Variants in ASH1L observed in about 807,000 individuals in gnomAD.
ASH1L encodes the protein histone-lysine N-methyltransferase ASH1L.
Under a neutral mutation model 269.0 loss-of-function variants are expected in ASH1L, and 23 were observed. The ratio of observed to expected loss-of-function variants is 0.09; its 90% CI spans 0.06 to 0.12. The LOEUF is 0.12. Ranked by LOEUF, ASH1L falls within the 10% of genes least tolerant of loss-of-function variation. ASH1L has a pLI of 1.00. For synonymous variants in ASH1L, 1,187 were observed against 1,253.5 expected, an observed-to-expected ratio of 0.95 and a Z score of 1.12; for missense variants, 2,912 against 3,567.8, an observed-to-expected ratio of 0.82 and a Z score of 4.68.
At chr1:155,339,594 A>C (rs1429197236) in intron 25 of ASH1L, among the ~76,000 whole-genome samples, 1 of 152,176 alleles carries the variant, frequency 6.6e-6, no homozygotes, top group Non-Finnish European at 1.5e-5. Flanking sequence ...AATTTTCTCT[A>C]TCCCATTTCA....
intron 12 of ASH1L, 60 bp from the exon 13 acceptor site, chr1:155,360,469 A>G (rs540442633): frequency 2.6e-4 from 266 of 1,025,272 alleles, no homozygotes; most frequent in Non-Finnish European, 3.7e-4. Context: ...TTTGAGACGG[A>G]GTCTCCCTCT....
intron 6 of ASH1L, among the ~76,000 whole-genome samples, chr1:155,407,651 C>T (rs1370310371): frequency 6.6e-6 from 1 of 151,950 alleles, no homozygotes; most frequent in African/African-American, 2.4e-5. Flanking sequence ...TAGCCAAAAG[C>T]AGAAACAACC....
In ASH1L at chr1:155,343,990, G is replaced by A. The variant is rs1346091600; in HGVS notation, c.7981+193C>T. On this transcript the variant is annotated intron_variant, in intron 22 of 27. Coordinates refer to ENST00000392403, the MANE Select transcript of ASH1L (RefSeq NM_018489.3). The surrounding 1 kb of genome is among the most constrained non-coding windows in gnomAD (Gnocchi z 6.1). ...AGTCTTAAAATTAGCTTTGTAACAT[G>A]TCTATCATTTCAAATTAGTATTATT... Among the ~76,000 whole-genome samples the A allele has an allele frequency of 6.6e-6, 1 of 152,170 alleles. No homozygotes were observed. The highest frequency in any genetic ancestry group is 6.5e-5 in the Admixed American group (1 of 15,274).
At position 155,524,819 on chromosome 1, in the gene ASH1L, A is replaced by G. The variant is rs1669129204; in HGVS notation, c.-99-3201T>C. Among the ~76,000 whole-genome samples, 3 of 152,286 alleles carry G rather than the reference A, an allele frequency of 2.0e-5. No individual in the cohort carries two copies. The South Asian group carries it at 6.2e-4, about 32-fold the overall frequency. ...TGTACCACTACACTCTAGCTTGGGC[A>G]ACAGAACAAGACCCTGTCTCAAAAA... On this transcript the variant is annotated intron_variant, in intron 1 of 27. Transcript: ENST00000392403.
intron 5 of ASH1L, among the ~76,000 whole-genome samples, chr1:155,420,363 C>CA (rs781669260): frequency 0.054 from 2,439 of 45,096 alleles, 61 homozygotes; most frequent in Non-Finnish European, 0.067. Flanking sequence ...GACTCCATCT[C>CA]AAAAAAAAAA....
chr1:155,556,424 G>A (rs909073851), intron 1 of ASH1L, among the ~76,000 whole-genome samples: 7 of 151,556 alleles, frequency 4.6e-5, no homozygotes, highest in Admixed American at 2.0e-4. Flanking sequence ...GTGTGTGTGT[G>A]TGTGTGTGTG....
rs774201309 is a variant in ASH1L, at chr1:155,506,376, CTAT to C, written c.420+14721_420+14723del. On this transcript the variant is annotated intron_variant, in intron 2 of 27. Transcript: ENST00000392403. ...TCTCTACCGAGCAAGAACTAAGGCA[CTAT>C]TATTATCCATTTTTCTTATTTAAGA... 3.3e-5 allele frequency among the ~76,000 whole-genome samples: 5 copies of C among 152,254 alleles called. No individual in the cohort carries two copies. The East Asian group carries it at 7.7e-4, about 23-fold the overall frequency.
chr1:155,532,301 A>G (rs954562963), intron 1 of ASH1L, among the ~76,000 whole-genome samples: 1 of 152,220 alleles, frequency 6.6e-6, no homozygotes, highest in African/African-American at 2.4e-5. Context: ...ATTACTAACC[A>G]TATGTTTTTT....
chr1:155,517,748 A>T (rs1240439929), intron 2 of ASH1L, among the ~76,000 whole-genome samples: 2 of 151,828 alleles, frequency 1.3e-5, no homozygotes, highest in Non-Finnish European at 2.9e-5. Context: ...TGGAATGGAA[A>T]GGAAGAGTCC....
At chr1:155,417,327 G>C (rs141371258) in intron 5 of ASH1L, among the ~76,000 whole-genome samples, 1 of 152,198 alleles carries the variant, frequency 6.6e-6, no homozygotes, top group Non-Finnish European at 1.5e-5. Flanking sequence ...ATATATCAGA[G>C]TACAGAGGGA....
chr1:155,422,807 G>A (rs757536794), intron 5 of ASH1L, among the ~76,000 whole-genome samples: 6 of 151,654 alleles, frequency 4.0e-5, no homozygotes, highest in Non-Finnish European at 7.4e-5. Flanking sequence ...CCGCTACCAC[G>A]CCTGGCTATT....
chr1:155,428,250 C>T (rs563080949), intron 5 of ASH1L, among the ~76,000 whole-genome samples: 2 of 152,100 alleles, frequency 1.3e-5, no homozygotes, highest in East Asian at 1.9e-4. Flanking sequence ...ACCAGCCTGA[C>T]CAACATGGTG....
At chr1:155,347,589 C>T in intron 20 of ASH1L, 67 bp downstream of exon 20, 1 of 1,593,512 alleles carries the variant, frequency 6.3e-7, no homozygotes, top group African/African-American at 1.3e-5. Context: ...GAGGCATGGG[C>T]TTCTTCTTTG....
chr1:155,378,028 A>AAAACAAAAC (rs1558045407), intron 10 of ASH1L, among the ~76,000 whole-genome samples: 2 of 151,844 alleles, frequency 1.3e-5, no homozygotes, highest in African/African-American at 4.9e-5. Flanking sequence ...GTCTCAAAAA[A>AAAACAAAAC]AAAACAAAAC....
In ASH1L at chr1:155,342,053, C is replaced by A. The variant is rs762683532; in HGVS notation, c.8343G>T (p.Arg2781=). 8 of 1,614,024 alleles carry A rather than the reference C, an allele frequency of 5.0e-6. No individual in the cohort carries two copies. The highest frequency in any genetic ancestry group is 5.9e-6 in the Non-Finnish European group (7 of 1,180,044). The change falls in exon 25 of 28, where the codon CGG becomes CGT. Residue 2781 remains arginine, a synonymous_variant. Transcript: ENST00000392403. ...KEQDVYICDY[R]LDKSAHLFYK... ...AAAACAGGTGTGCTGACTTGTCAAG[C>A]CGATAATCACAGATGTACACATCTT...
chr1:155,456,716 T>C (rs1450173611), intron 4 of ASH1L, among the ~76,000 whole-genome samples: 2 of 152,196 alleles, frequency 1.3e-5, no homozygotes, highest in African/African-American at 4.8e-5. Context: ...TCTACCTAAA[T>C]AGGCCAAAGA....
chr1:155,529,252 C>T (rs1215541605), intron 1 of ASH1L, among the ~76,000 whole-genome samples: 3 of 152,054 alleles, frequency 2.0e-5, no homozygotes, highest in Admixed American at 2.0e-4. Flanking sequence ...GTTTTTAGGT[C>T]TTTGAGGGAT....
rs150510210 is a variant in ASH1L at position 155,529,164 on chromosome 1, G to A, written c.-99-7546C>T. On this transcript the variant is annotated intron_variant, in intron 1 of 27. Coordinates refer to ENST00000392403, the MANE Select transcript of ASH1L (RefSeq NM_018489.3). Reference sequence around the variant, plus strand: ...GTGAATAGTGCTGCAATGAAGATACGCATGCATCTGTCTTTATGATTTATA... The same window carrying A: ...GTGAATAGTGCTGCAATGAAGATACACATGCATCTGTCTTTATGATTTATA... 2.2e-3 allele frequency among the ~76,000 whole-genome samples: 334 copies of A among 152,164 alleles called. 1 individual carries two copies. Among genetic ancestry groups the A allele is most frequent in the African/African-American group, 7.7e-3 (321 of 41,524 alleles).
Position 155,481,597 on chromosome 1 carries a change from T to C in ASH1L, c.1273A>G (p.Lys425Glu). 6.2e-7 allele frequency: 1 copy of C among 1,614,178 alleles called. No homozygotes were observed. Among genetic ancestry groups the C allele is most frequent in the Non-Finnish European group, 8.5e-7 (1 of 1,180,010 alleles). The change falls in exon 3 of 28, where the codon AAA becomes GAA. Residue 425 changes from lysine to glutamate, a missense_variant. Lys to Glu is a moderately conservative substitution (Grantham distance 56). This residue lies in a region of ASH1L where 715 missense variants were observed against 721.0 expected (regional missense o/e 0.99). Coordinates refer to ENST00000392403, the MANE Select transcript of ASH1L (RefSeq NM_018489.3). The stretch of plus-strand genomic sequence containing the variant: ...TGAGTGGGGAGCAGTGCTTCGGCTT[T>C]AAGGTTTATGGCATCTTTACTGATC... ...GLISKDAINL[K>E]AEALLPTQEP...
Sources: gnomAD v4.1 joint callset for allele counts (sites outside exome capture counted in the v4.1 genomes callset) on GRCh38, gnomAD v4.1.1 for gene constraint, gnomAD v4.1.1 regional missense constraint, Gnocchi (gnomAD v3.1) non-coding constraint, MANE v1.5 for transcripts, NCBI Gene and HGNC (gene_info 2026-07-23, HGNC 2026-07-21) for gene names.